The following RASGRP3 variants were observed in gnomAD, a reference collection of about 807,000 sequenced individuals.
RASGRP3 encodes RAS guanyl releasing protein 3.
In RASGRP3, 54 loss-of-function variants were observed where a neutral mutation model predicts 82.7. The ratio of observed to expected loss-of-function variants is 0.65; its 90% CI spans 0.52 to 0.82. The LOEUF is 0.82. RASGRP3 is among the 40% of genes least tolerant of loss of function. RASGRP3 has a pLI of 0.00. For missense variants in RASGRP3, 861 were observed against 828.9 expected (o/e 1.04, Z -0.48); for synonymous variants, 309 against 300.5 (o/e 1.03, Z -0.29).
At chr2:33,551,182 A>G (rs1675323547) in intron 14 of RASGRP3, among the ~76,000 whole-genome samples, 1 of 152,120 alleles carries the variant, frequency 6.6e-6, no homozygotes. Context: ...GCATGGTGGC[A>G]GGTGCCTGTA....
rs1300635420 is a variant in RASGRP3, at chr2:33,540,554, TTTTGTGTGTGTGTGTGTGTGTG to T, written c.1278+1346_1278+1367del. Among the ~76,000 whole-genome samples, 128 of 26,192 alleles carry T rather than the reference TTTTGTGTGTGTGTGTGTGTGTG, an allele frequency of 4.9e-3. 9 individuals are homozygous for T. The highest frequency in any genetic ancestry group is 9.5e-3 in the African/African-American group (120 of 12,640). The allele number at this position is 26,192 out of a possible 152,430, so 17.2% of individuals were successfully genotyped here. A position where few individuals can be genotyped will look rare whatever the true frequency, so the allele number is the denominator to read the frequency against. ...CTCTCTCTCTCTCTCTGTGTGTGTG[TTTTGTGTGTGTGTGTGTGTGTG>T]TGTGTGTGTGTGTGTGTGTGTGTGT... On this transcript the variant is annotated intron_variant, in intron 12 of 17. Transcript: ENST00000403687.
intron 2 of RASGRP3, among the ~76,000 whole-genome samples, chr2:33,456,069 C>T (rs546849534): frequency 3.9e-5 from 6 of 152,318 alleles, no homozygotes; most frequent in African/African-American, 1.4e-4. Context: ...ACCCTCTCCT[C>T]TTCCCACCAA....
At chr2:33,559,325 T>C (rs1676388300) in intron 17 of RASGRP3, among the ~76,000 whole-genome samples, 1 of 152,188 alleles carries the variant, frequency 6.6e-6, no homozygotes, top group Non-Finnish European at 1.5e-5. Flanking sequence ...AACCCATGAC[T>C]ATATATCCAA....
intron 1 of RASGRP3, among the ~76,000 whole-genome samples, chr2:33,484,231 T>C (rs909822458): frequency 6.6e-6 from 1 of 152,190 alleles, no homozygotes; most frequent in African/African-American, 2.4e-5. Context: ...AAAGAAGAAA[T>C]GTCCTTTTCT....
intron 1 of RASGRP3, among the ~76,000 whole-genome samples, chr2:33,444,790 A>G (rs920374635): frequency 1.3e-5 from 2 of 152,258 alleles, no homozygotes; most frequent in African/African-American, 2.4e-5. Context: ...AATTAGGGCA[A>G]TAGAAGTTTT....
chr2:33,499,294 G>A (rs1239958921), intron 1 of RASGRP3, among the ~76,000 whole-genome samples: 2 of 152,052 alleles, frequency 1.3e-5, no homozygotes, highest in Non-Finnish European at 2.9e-5. Flanking sequence ...GGCCAGGTGC[G>A]GTGGCTTAAT....
At chr2:33,461,465 G>A (rs1325625449) in intron 2 of RASGRP3, among the ~76,000 whole-genome samples, 2 of 152,066 alleles carry the variant, frequency 1.3e-5, no homozygotes, top group Admixed American at 1.3e-4. Flanking sequence ...TTTAGTAGAG[G>A]CGGGGTTTCG....
rs1274235687 is a variant in RASGRP3, at chr2:33,522,000, A to G, written c.414A>G (p.Val138=). 3.1e-6 allele frequency: 5 copies of G among 1,613,916 alleles called. No homozygotes were observed. The highest frequency in any genetic ancestry group is 1.3e-5 in the African/African-American group (1 of 75,054). ...WMRRVTQRKK[V]SKKGKACLLF... Reference sequence around the variant, plus strand: ...GAAGAGTCACACAGAGGAAAAAAGTATCCAAGAAGGGAAAAGCCTGTCTGC... The same window carrying G: ...GAAGAGTCACACAGAGGAAAAAAGTGTCCAAGAAGGGAAAAGCCTGTCTGC... Residue 138 remains valine, a synonymous_variant, in exon 7 of 18, where the codon GTA becomes GTG. Coordinates refer to ENST00000403687, the MANE Select transcript of RASGRP3 (RefSeq NM_001139488.2).
At chr2:33,477,504 C>A (rs1208936332) in intron 1 of RASGRP3, among the ~76,000 whole-genome samples, 1 of 152,144 alleles carries the variant, frequency 6.6e-6, no homozygotes, top group Non-Finnish European at 1.5e-5. Context: ...TATGACCTGA[C>A]TGGGAAAGTG....
At position 33,549,646 on chromosome 2, in the gene RASGRP3, G is replaced by A. The variant is rs1036839824; in HGVS notation, c.1437G>A (p.Leu479=). Residue 479 remains leucine, a synonymous_variant, in exon 14 of 18, where the codon CTG becomes CTA. Coordinates refer to ENST00000403687, the MANE Select transcript of RASGRP3 (RefSeq NM_001139488.2). ...ISKDEMMAYF[L]RAKSQLHCKM... is the part of the protein sequence containing the mutation. The stretch of plus-strand genomic sequence containing the variant: ...AAGATGAAATGATGGCTTACTTCCT[G>A]AGAGCTAAATCCCAACTACACTGTA... 6.2e-7 allele frequency: 1 copy of A among 1,613,476 alleles called. No homozygotes were observed. Among genetic ancestry groups the A allele is most frequent in the East Asian group, 2.2e-5 (1 of 44,886 alleles).
At chr2:33,439,661 C>T (rs963395114) in intron 1 of RASGRP3, among the ~76,000 whole-genome samples, 2 of 152,110 alleles carry the variant, frequency 1.3e-5, no homozygotes, top group African/African-American at 4.8e-5. Flanking sequence ...TTCTGATTTC[C>T]CAAATCTGGC....
intron 6 of RASGRP3, among the ~76,000 whole-genome samples, chr2:33,521,228 G>C (rs1672002966): frequency 6.6e-6 from 1 of 152,220 alleles, no homozygotes. Flanking sequence ...GTTGACCATA[G>C]ATGTGCCAGG....
chr2:33,454,546 C>T (rs770906576), intron 2 of RASGRP3, among the ~76,000 whole-genome samples: 24 of 152,296 alleles, frequency 1.6e-4, no homozygotes, highest in South Asian at 4.1e-4. Context: ...CAGCTGAAGA[C>T]GGGCTTAACA....
At chr2:33,518,665 TTTTC>T (rs1315224152) in intron 4 of RASGRP3, among the ~76,000 whole-genome samples, 2 of 152,320 alleles carry the variant, frequency 1.3e-5, no homozygotes, top group East Asian at 3.9e-4. Context: ...GTAAAAAATA[TTTTC>T]TTTCTTAATA....
intron 15 of RASGRP3, among the ~76,000 whole-genome samples, chr2:33,557,070 A>T (rs567960114): frequency 6.6e-6 from 1 of 152,146 alleles, no homozygotes. Flanking sequence ...CACTTAGGGG[A>T]AAATGGGTAC....
upstream of RASGRP3, among the ~76,000 whole-genome samples, chr2:33,474,660 C>T (rs1404284627): frequency 6.6e-6 from 1 of 152,194 alleles, no homozygotes; most frequent in Non-Finnish European, 1.5e-5. Flanking sequence ...TGTCTTGCTG[C>T]TGCTCTGGCC....
chr2:33,457,153 G>C (rs1464706679), intron 2 of RASGRP3, among the ~76,000 whole-genome samples: 2 of 151,940 alleles, frequency 1.3e-5, no homozygotes, highest in African/African-American at 4.8e-5. Flanking sequence ...TTACAGGTGC[G>C]AGCCGCCATG....
At chr2:33,459,848 A>AT (rs1038409016) in intron 2 of RASGRP3, among the ~76,000 whole-genome samples, 3 of 152,046 alleles carry the variant, frequency 2.0e-5, no homozygotes, top group Non-Finnish European at 4.4e-5. Context: ...CAAGCAATAA[A>AT]TTTTTTTGGC....
In RASGRP3 at chr2:33,513,224, C is replaced by T. The variant is rs189265354; in HGVS notation, c.-128+1382C>T. Among the ~76,000 whole-genome samples, 73 of 152,298 alleles carry T rather than the reference C, an allele frequency of 4.8e-4. 1 individual carries two copies. The East Asian group carries it at 5.4e-3, about 11-fold the overall frequency. ...TGTTCTAAGAGTGGTACCTTCAGCACAAGAATCTGGTTCTTTCACAGAATT... is the reference window on the plus strand; with the variant it reads ...TGTTCTAAGAGTGGTACCTTCAGCATAAGAATCTGGTTCTTTCACAGAATT... On this transcript the variant is annotated intron_variant, in intron 2 of 17. Transcript: ENST00000403687.
Sources: allele counts gnomAD v4.1 joint callset (sites outside exome capture counted in the v4.1 genomes callset), GRCh38; gene constraint gnomAD v4.1.1; transcripts MANE v1.5; gene names NCBI Gene and HGNC (gene_info 2026-07-23, HGNC 2026-07-21).